The following DUSP22 variants were observed in gnomAD, a reference collection of about 807,000 sequenced individuals.
DUSP22 encodes the protein dual specificity protein phosphatase 22.
A neutral mutation model predicts 24.5 loss-of-function variants in DUSP22; 24 were observed. The observed-to-expected ratio is 0.98, with a 90% CI of 0.71 to 1.38. DUSP22 has a LOEUF of 1.38. DUSP22 is among the 40% of genes most tolerant of loss of function. The pLI, the probability that DUSP22 is intolerant of heterozygous loss-of-function variation, is 0.00. For synonymous variants in DUSP22, 160 were observed against 106.4 expected, an observed-to-expected ratio of 1.50 and a Z score of -3.10; for missense variants, 330 against 269.2, an observed-to-expected ratio of 1.23 and a Z score of -1.58.
At chr6:295,482 A>G (rs2127387422) in intron 1 of DUSP22, among the ~76,000 whole-genome samples, 1 of 152,398 alleles carries the variant, frequency 6.6e-6, no homozygotes, top group East Asian at 1.9e-4. Flanking sequence ...AAGATGAGGA[A>G]ATAAAGACAG....
intron 3 of DUSP22, among the ~76,000 whole-genome samples, chr6:315,731 A>T (rs2797322): frequency 1 from 151,860 of 152,426 alleles, 75,647 homozygotes; most frequent in Middle Eastern, 1. Context: ...CCTTTCCAGA[A>T]AGTTCTTCCC....
chr6:319,175 AAG>A (rs1248796028), intron 3 of DUSP22, among the ~76,000 whole-genome samples: 6 of 152,300 alleles, frequency 3.9e-5, no homozygotes, highest in African/African-American at 1.4e-4. Context: ...TTGTCACAAT[AAG>A]ATCATGTCCA....
chr6:327,184 C>A (rs1758919074), intron 3 of DUSP22, among the ~76,000 whole-genome samples: 1 of 152,308 alleles, frequency 6.6e-6, no homozygotes, highest in African/African-American at 2.4e-5. Context: ...AGGAGCCCAG[C>A]CAGGTCTGAA....
At chr6:303,689 A>G (rs1315767038) in intron 1 of DUSP22, among the ~76,000 whole-genome samples, 1 of 152,310 alleles carries the variant, frequency 6.6e-6, no homozygotes, top group South Asian at 2.1e-4. Context: ...TATCGTGAGC[A>G]TACTTTAACA....
At chr6:298,693 G>A (rs1332500629) in intron 1 of DUSP22, among the ~76,000 whole-genome samples, 1 of 152,298 alleles carries the variant, frequency 6.6e-6, no homozygotes, top group African/African-American at 2.4e-5. Flanking sequence ...TATTGTCTAT[G>A]CCCAGACGGT....
intron 3 of DUSP22, among the ~76,000 whole-genome samples, chr6:318,800 C>T (rs1020972340): frequency 6.6e-6 from 1 of 152,304 alleles, no homozygotes; most frequent in Non-Finnish European, 1.5e-5. Flanking sequence ...TTGGAGCCAA[C>T]CCACATATTC....
chr6:293,146 A>G (rs1227694709), intron 1 of DUSP22, among the ~76,000 whole-genome samples: 1 of 152,298 alleles, frequency 6.6e-6, no homozygotes, highest in Non-Finnish European at 1.5e-5. Flanking sequence ...CAACAAGGGC[A>G]ACCTGTTGCT....
rs560926535 is a variant in DUSP22 at position 341,247 on chromosome 6, G to A, written c.189-4607G>A. Among the ~76,000 whole-genome samples the A allele has an allele frequency of 5.9e-5, 9 of 152,416 alleles. No individual in the cohort carries two copies. In the South Asian group the frequency reaches 1.7e-3, roughly 28 times the overall value. On this transcript the variant is annotated intron_variant, in intron 4 of 6. Coordinates refer to ENST00000419235, the MANE Select transcript of DUSP22 (RefSeq NM_001286555.3). Reference sequence around the variant, plus strand: ...TCTGTGGACTGAGCCTATTCCACACGGCTGTGCGTGGACGTAAAGGTGAAC... The same window carrying A: ...TCTGTGGACTGAGCCTATTCCACACAGCTGTGCGTGGACGTAAAGGTGAAC...
intron 3 of DUSP22, among the ~76,000 whole-genome samples, chr6:327,952 C>T (rs1365437595): frequency 2.0e-5 from 3 of 152,300 alleles, no homozygotes; most frequent in Admixed American, 6.5e-5. Context: ...GATGCTGAAG[C>T]ACTGTGAAAA....
chr6:295,150 C>T (rs925256446), intron 1 of DUSP22, among the ~76,000 whole-genome samples: 1 of 152,290 alleles, frequency 6.6e-6, no homozygotes, highest in Non-Finnish European at 1.5e-5. Context: ...TTTCTAAGAA[C>T]ATTTATAAAT....
chr6:307,476 A>G (rs988928741), intron 2 of DUSP22, among the ~76,000 whole-genome samples: 1 of 152,306 alleles, frequency 6.6e-6, no homozygotes, highest in East Asian at 1.9e-4. Context: ...GAGAAGAACC[A>G]CAAACAAACC....
rs1419922144 is a variant in DUSP22 at position 304,812 on chromosome 6, T to C, written c.55+151T>C. 2.5e-6 allele frequency: 3 copies of C among 1,205,214 alleles called. No individual in the cohort carries two copies. The Admixed American group carries it at 5.7e-5, about 23-fold the overall frequency. The allele number at this position is 1,205,214 out of a possible 1,614,324, so 74.7% of individuals were successfully genotyped here. On this transcript the variant is annotated intron_variant, in intron 2 of 6. Coordinates refer to ENST00000419235, the MANE Select transcript of DUSP22 (RefSeq NM_001286555.3). ...CATCCTTCTGCAGGACTTTTCATGT[T>C]CCCAAACTGAAACTGTGTCCCTTAA...
At chr6:328,727 C>T (rs2127409081) in intron 3 of DUSP22, among the ~76,000 whole-genome samples, 1 of 152,426 alleles carries the variant, frequency 6.6e-6, no homozygotes, top group South Asian at 2.1e-4. Context: ...GGACTTAAAA[C>T]ATGAATAATG....
rs1472323383 is a variant in DUSP22 at position 311,961 on chromosome 6, A to G, written c.137A>G (p.Glu46Gly). Residue 46 changes from glutamate to glycine, a missense_variant and splice_region_variant, in exon 3 of 7, where the codon GAG becomes GGG. Coordinates refer to ENST00000419235, the MANE Select transcript of DUSP22 (RefSeq NM_001286555.3). ...SVHDSARPML[E>G]GVKYLCIPAA... ...CACGATAGTGCCAGGCCTATGTTGGAGGTAAGAGAGCACCGTGGGGCGTGT... is the reference window on the plus strand; with the variant it reads ...CACGATAGTGCCAGGCCTATGTTGGGGGTAAGAGAGCACCGTGGGGCGTGT... The G allele has an allele frequency of 4.3e-6, 7 of 1,610,822 alleles. No individual in the cohort carries two copies.
chr6:311,122 A>T (rs1758066061), intron 2 of DUSP22, among the ~76,000 whole-genome samples: 1 of 152,426 alleles, frequency 6.6e-6, no homozygotes, highest in South Asian at 2.1e-4. Flanking sequence ...AGGAATTCTC[A>T]TTGGTTTATA....
At chr6:299,029 G>A (rs112486099) in intron 1 of DUSP22, among the ~76,000 whole-genome samples, 11,106 of 148,960 alleles carry the variant, frequency 0.075, 16 homozygotes, top group African/African-American at 0.13. Context: ...AGGCCACTCA[G>A]GAACAGTGTC....
chr6:342,691 G>A (rs1759665560), intron 4 of DUSP22, among the ~76,000 whole-genome samples: 1 of 152,282 alleles, frequency 6.6e-6, no homozygotes, highest in Non-Finnish European at 1.5e-5. Context: ...GCAGCAGGTG[G>A]TGCAGCTCTG....
At chr6:299,316 C>T (rs1757479687) in intron 1 of DUSP22, among the ~76,000 whole-genome samples, 2 of 152,304 alleles carry the variant, frequency 1.3e-5, no homozygotes, top group South Asian at 2.1e-4. Flanking sequence ...AATCGTCTCT[C>T]TGCTGGAAAA....
intron 1 of DUSP22, among the ~76,000 whole-genome samples, chr6:294,874 A>G (rs1757254555): frequency 6.6e-6 from 1 of 152,298 alleles, no homozygotes; most frequent in African/African-American, 2.4e-5. Flanking sequence ...AAAGCAGAAG[A>G]TGGGATGAAA....
Sources: gnomAD v4.1 joint callset for allele counts (sites outside exome capture counted in the v4.1 genomes callset) on GRCh38, gnomAD v4.1.1 for gene constraint, MANE v1.5 for transcripts, NCBI Gene and HGNC (gene_info 2026-07-23, HGNC 2026-07-21) for gene names.